PLEKHA2: variants seen among roughly 807,000 people sequenced by gnomAD.
PLEKHA2 encodes pleckstrin homology domain-containing family A member 2.
PLEKHA2 carries 28 observed loss-of-function variants against 53.2 expected under a neutral mutation model. The ratio of observed to expected loss-of-function variants is 0.53; its 90% CI spans 0.39 to 0.72. The LOEUF (loss-of-function observed/expected upper bound fraction) is 0.72. Among genes scored for constraint, PLEKHA2 ranks in the 30% least tolerant of loss-of-function variants. The pLI is 0.00. For missense variants in PLEKHA2, 426 were observed against 537.9 expected (o/e 0.79, Z 2.06); for synonymous variants, 193 against 196.4 (o/e 0.98, Z 0.14).
chr8:38,960,980 G>A (rs1482043291), intron 10 of PLEKHA2: 1 of 152,154 alleles, frequency 6.6e-6, no homozygotes, highest in African/African-American at 2.4e-5. Context: ...TCTCACTGAG[G>A]TATGCAGATA....
chr8:38,952,808 A>C, intron 8 of PLEKHA2, 104 bp downstream of exon 8: 1 of 1,170,984 alleles, frequency 8.5e-7, no homozygotes. Flanking sequence ...TGGGCACACA[A>C]AGACTTCAAA....
In PLEKHA2 at chr8:38,969,893, C is replaced by A; in HGVS notation, c.*110C>A. 1 of 1,449,038 alleles carries A rather than the reference C, an allele frequency of 6.9e-7. No individual in the cohort carries two copies. Among genetic ancestry groups the A allele is most frequent in the South Asian group, 1.3e-5 (1 of 77,096 alleles). 89.8% of individuals were successfully genotyped at this position (1,449,038 alleles called of 1,614,324 possible). ...GGTAGTCAGAGGCCTTTATGTCACT[C>A]ATATTCCTGTGGATGCTCTTTGGGA... On this transcript the variant is annotated 3_prime_UTR_variant, in exon 12 of 12. Transcript: ENST00000617275.
intron 2 of PLEKHA2, among the ~76,000 whole-genome samples, chr8:38,923,237 G>T (rs904929018): frequency 6.6e-6 from 1 of 152,210 alleles, no homozygotes; most frequent in Non-Finnish European, 1.5e-5. Flanking sequence ...CATATGGAAA[G>T]TTCTCATGCT....
intron 2 of PLEKHA2, among the ~76,000 whole-genome samples, chr8:38,923,996 C>T (rs1272218149): frequency 3.3e-5 from 5 of 152,082 alleles, no homozygotes; most frequent in Admixed American, 6.6e-5. Flanking sequence ...GGATTACAGG[C>T]CTGCACCACC....
At chr8:38,912,961 C>G (rs1183638363) in intron 1 of PLEKHA2, among the ~76,000 whole-genome samples, 1 of 152,176 alleles carries the variant, frequency 6.6e-6, no homozygotes, top group East Asian at 1.9e-4. Flanking sequence ...GAATGCTTAT[C>G]TTTCCCTTGG....
At chr8:38,946,252 T>C (rs989811465) in intron 5 of PLEKHA2, 31 bp downstream of exon 5, 1 of 1,548,986 alleles carries the variant, frequency 6.5e-7, no homozygotes, top group Non-Finnish European at 8.8e-7. Context: ...TTTCTGGTGG[T>C]AGTAAAAGTG....
At chr8:38,952,429 C>T in intron 7 of PLEKHA2, 117 bp downstream of exon 7, 3 of 1,450,086 alleles carry the variant, frequency 2.1e-6, no homozygotes, top group Non-Finnish European at 2.8e-6. Flanking sequence ...TCCATGGAGC[C>T]TCCACCTTTG....
intron 3 of PLEKHA2, 80 bp downstream of exon 3, chr8:38,936,130 T>C (rs1375632344): frequency 3.4e-6 from 5 of 1,459,242 alleles, no homozygotes; most frequent in Non-Finnish European, 4.8e-6. Flanking sequence ...GTCCAGTCCT[T>C]TGGGCATTAG....
At chr8:38,937,568 C>T (rs1834520059) in intron 3 of PLEKHA2, among the ~76,000 whole-genome samples, 2 of 152,116 alleles carry the variant, frequency 1.3e-5, no homozygotes, top group Non-Finnish European at 2.9e-5. Flanking sequence ...ATAAATGCAG[C>T]TCAGATGAGG....
chr8:38,923,242 C>T (rs1834224447), intron 2 of PLEKHA2, among the ~76,000 whole-genome samples: 1 of 152,188 alleles, frequency 6.6e-6, no homozygotes, highest in African/African-American at 2.4e-5. Context: ...GGAAAGTTCT[C>T]ATGCTGCAGA....
At chr8:38,953,488 G>C in intron 9 of PLEKHA2, 121 bp downstream of exon 9, 1 of 1,011,962 alleles carries the variant, frequency 9.9e-7, no homozygotes, top group Non-Finnish European at 1.5e-6. Flanking sequence ...AGGCACAGGA[G>C]CCTAACACCT....
At chr8:38,933,789 A>AG (rs1834438181) in intron 2 of PLEKHA2, among the ~76,000 whole-genome samples, 1 of 147,282 alleles carries the variant, frequency 6.8e-6, no homozygotes, top group African/African-American at 2.6e-5. Flanking sequence ...AAAAAAAAAA[A>AG]AAAAAGAAAA....
At chr8:38,953,238 C>A in intron 8 of PLEKHA2, 59 bp from the exon 9 acceptor site, 1 of 1,391,666 alleles carries the variant, frequency 7.2e-7, no homozygotes, top group South Asian at 1.2e-5. Flanking sequence ...GTCAGCTGGT[C>A]TGGGTCGTGA....
At chr8:38,952,350 G>C (rs1191179820) in intron 7 of PLEKHA2, 38 bp downstream of exon 7, 2 of 1,602,132 alleles carry the variant, frequency 1.2e-6, no homozygotes, top group East Asian at 4.5e-5. Flanking sequence ...GGGTTCTGGT[G>C]ACTCCTCAGA....
chr8:38,953,220 G>A lies in PLEKHA2; in HGVS notation c.703-77G>A, dbSNP rs910190702. ...TTTTAGCCAACCATCTCTGAGAAAG[G>A]GGTATTGGTCAGCTGGTCTGGGTCG... is the stretch of plus-strand genomic sequence containing the variant. On this transcript the variant is annotated intron_variant, in intron 8 of 11. Coordinates refer to ENST00000617275, the MANE Select transcript of PLEKHA2 (RefSeq NM_021623.2). 4.5e-6 allele frequency: 5 copies of A among 1,120,998 alleles called. No individual in the cohort carries two copies. The African/African-American group carries it at 7.7e-5, about 17-fold the overall frequency. 69.4% of individuals were successfully genotyped at this position (1,120,998 alleles called of 1,614,324 possible).
At chr8:38,952,612 C>T in intron 7 of PLEKHA2, 24 bp from the exon 8 acceptor site, 1 of 1,600,908 alleles carries the variant, frequency 6.2e-7, no homozygotes, top group Non-Finnish European at 8.5e-7. Flanking sequence ...CGCTAATGGT[C>T]TGCCTTTTAT....
chr8:38,923,102 G>A (rs1325098322), intron 2 of PLEKHA2, among the ~76,000 whole-genome samples: 2 of 152,202 alleles, frequency 1.3e-5, no homozygotes, highest in African/African-American at 4.8e-5. Context: ...TTATAACAGG[G>A]TAGCATATCA....
intron 2 of PLEKHA2, among the ~76,000 whole-genome samples, chr8:38,925,296 G>T (rs144545859): frequency 6.6e-6 from 1 of 152,260 alleles, no homozygotes; most frequent in Admixed American, 6.5e-5. Flanking sequence ...CCTTAGGGCC[G>T]CCCTACTCTA....
rs1790197242 is a variant in PLEKHA2 at position 38,969,935 on chromosome 8, G to T, written c.*152G>T. 1 of 1,038,444 alleles carries T rather than the reference G, an allele frequency of 9.6e-7. No individual in the cohort carries two copies. The highest frequency in any genetic ancestry group is 1.7e-5 in the African/African-American group (1 of 57,858). 64.3% of individuals were successfully genotyped at this position (1,038,444 alleles called of 1,614,324 possible). A position where few individuals can be genotyped will look rare whatever the true frequency, so the allele number is the denominator to read the frequency against. ...TCTTTGGGAGGGAGGGGCCCATCCA[G>T]CTGGGCTGTGTGTGTGTGTGTGTGT... On this transcript the variant is annotated 3_prime_UTR_variant, in exon 12 of 12. Transcript: ENST00000617275.
Sources: gnomAD v4.1 joint callset for allele counts (sites outside exome capture counted in the v4.1 genomes callset) on GRCh38, gnomAD v4.1.1 for gene constraint, MANE v1.5 for transcripts, NCBI Gene and HGNC (gene_info 2026-07-23, HGNC 2026-07-21) for gene names.